Variants in UCKL1 observed in about 807,000 individuals in gnomAD.
UCKL1 encodes uridine-cytidine kinase-like 1.
Under a neutral mutation model 59.2 loss-of-function variants are expected in UCKL1, and 65 were observed. That is an observed-to-expected ratio of 1.10 (90% confidence interval 0.90 to 1.35). UCKL1 has a LOEUF of 1.35. Among genes scored for constraint, UCKL1 ranks in the 40% most tolerant of loss-of-function variants. The pLI is 0.00. For synonymous variants in UCKL1, 410 were observed against 323.1 expected (o/e 1.27, Z -2.88); for missense variants, 703 against 784.3 (o/e 0.90, Z 1.24).
Position 63,944,706 on chromosome 20 carries a change from G to A in UCKL1, c.683C>T (p.Thr228Ile). 6.2e-7 allele frequency: 1 copy of A among 1,612,846 alleles called. No homozygotes were observed. Among genetic ancestry groups the A allele is most frequent in the Non-Finnish European group, 8.5e-7 (1 of 1,179,948 alleles). The change falls in exon 6 of 15, where the codon ACA becomes ATA. Residue 228 changes from threonine to isoleucine, a missense_variant. Thr to Ile is a moderately conservative substitution (Grantham distance 89). Coordinates refer to ENST00000354216, the MANE Select transcript of UCKL1 (RefSeq NM_017859.4). ...CCGTACCAGGCGGATGTCGGAGTCT[G>A]TGTCCACAAAGATCTTCATGTCCAG... The part of the protein sequence containing the change: ...ELLDMKIFVD[T>I]DSDIRLVRRL...
At chr20:63,941,992 C>A (rs1482362668) in intron 8 of UCKL1, among the ~76,000 whole-genome samples, 1 of 138,646 alleles carries the variant, frequency 7.2e-6, no homozygotes, top group East Asian at 2.2e-4. Context: ...GGCGTGACAG[C>A]GGCAGGGAAA....
chr20:63,950,791 G>A (rs1009094711), intron 1 of UCKL1: 17 of 1,541,016 alleles, frequency 1.1e-5, no homozygotes, highest in Non-Finnish European at 1.5e-5. Flanking sequence ...GGCACCCTGA[G>A]ATCCTGATGC....
chr20:63,941,235 C>A (rs1224442793), intron 8 of UCKL1, 27 bp from the exon 9 acceptor site: 2 of 1,477,612 alleles, frequency 1.4e-6, no homozygotes, highest in Admixed American at 4.8e-5. Context: ...GGGGAACACT[C>A]AAGAAGGGGG....
intron 5 of UCKL1, 41 bp downstream of exon 5, chr20:63,945,610 C>T (rs776208679): frequency 6.2e-7 from 1 of 1,607,254 alleles, no homozygotes; most frequent in South Asian, 1.1e-5. Context: ...GCGGCCAGGG[C>T]TGAGATACCA....
chr20:63,950,957 G>T, intron 1 of UCKL1: 1 of 1,310,794 alleles, frequency 7.6e-7, no homozygotes, highest in Non-Finnish European at 9.7e-7. Context: ...GGGCAGCTCA[G>T]GAGCTCCGGC....
chr20:63,940,910 C>T (rs763708675), intron 10 of UCKL1, 40 bp downstream of exon 10: 2 of 1,521,528 alleles, frequency 1.3e-6, no homozygotes, highest in Admixed American at 4.2e-5. Flanking sequence ...GCACCGGCTC[C>T]AAGACCCACC....
At chr20:63,945,244 G>C (rs910085334) in intron 5 of UCKL1, among the ~76,000 whole-genome samples, 1 of 152,172 alleles carries the variant, frequency 6.6e-6, no homozygotes, top group Non-Finnish European at 1.5e-5. Context: ...GCCTGTACAA[G>C]GGGCAGGACC....
chr20:63,949,645 G>A (rs945591331), intron 1 of UCKL1, among the ~76,000 whole-genome samples: 8 of 152,228 alleles, frequency 5.3e-5, no homozygotes, highest in Non-Finnish European at 1.0e-4. Context: ...CGCTCTGGTG[G>A]CCCTGGAGGC....
rs2054473901 is a variant in UCKL1, at chr20:63,941,650, G to A, written c.924-442C>T. ...CCCCGCCCTGGCTCCTCCCCGAGGT[G>A]GTGCGCGGCCCCTCAAGAGAGGGGG... On this transcript the variant is annotated intron_variant, in intron 8 of 14. Coordinates refer to ENST00000354216, the MANE Select transcript of UCKL1 (RefSeq NM_017859.4). The A allele has an allele frequency of 3.2e-5, 7 of 220,340 alleles. No individual in the cohort carries two copies. In the South Asian group the frequency reaches 3.5e-4, roughly 11 times the overall value. The allele number at this position is 220,340 out of a possible 1,614,324, so 13.6% of individuals were successfully genotyped here.
At chr20:63,948,579 A>AGAGG (rs1569121185) in intron 1 of UCKL1, 2 of 5,006 alleles carry the variant, frequency 4.0e-4, no homozygotes, top group Admixed American at 2.3e-3. Flanking sequence ...GAGGGAGGGG[A>AGAGG]TGTGTGTGAG....
chr20:63,948,562 T>G (rs2056883538), intron 1 of UCKL1: 5 of 60,674 alleles, frequency 8.2e-5, no homozygotes, highest in African/African-American at 2.0e-4. Context: ...GAGGGAGGCG[T>G]GTGTGAGAGG....
intron 8 of UCKL1, chr20:63,942,652 G>T: frequency 3.9e-6 from 2 of 518,944 alleles, no homozygotes; most frequent in Non-Finnish European, 7.7e-6. Flanking sequence ...AGCCCTGCCT[G>T]ACCCTCCCTC....
intron 1 of UCKL1, chr20:63,948,259 T>C (rs1219440094): frequency 6.6e-6 from 1 of 152,146 alleles, no homozygotes; most frequent in African/African-American, 2.4e-5. Context: ...TCACTGTCTG[T>C]GCAGGGCAGA....
intron 2 of UCKL1, 34 bp from the exon 3 acceptor site, chr20:63,946,301 C>G: frequency 6.4e-7 from 1 of 1,560,208 alleles, no homozygotes. Flanking sequence ...CTGTGAGGAA[C>G]AGGCAGGCTG....
At chr20:63,951,070 T>C in intron 1 of UCKL1, 1 of 1,207,214 alleles carries the variant, frequency 8.3e-7, no homozygotes, top group Non-Finnish European at 1.0e-6. Flanking sequence ...AGAAGCTGCC[T>C]GCCAAATGTC....
chr20:63,943,695 A>G, intron 7 of UCKL1, 26 bp from the exon 8 acceptor site: 1 of 1,612,504 alleles, frequency 6.2e-7, no homozygotes, highest in East Asian at 2.2e-5. Context: ...AGGAAGACAC[A>G]AGGGAACGGT....
chr20:63,951,200 G>A, intron 1 of UCKL1: 3 of 1,010,874 alleles, frequency 3.0e-6, no homozygotes, highest in Non-Finnish European at 3.5e-6. Context: ...CTGGGGGCTT[G>A]TGTATGCCTG....
In UCKL1 at chr20:63,942,992, G is replaced by A. The variant is rs183155560; in HGVS notation, c.923+661C>T. Among the ~76,000 whole-genome samples the A allele has an allele frequency of 1.7e-3, 258 of 152,302 alleles. 2 individuals carry two copies. The highest frequency in any genetic ancestry group is 1.7e-3 in the Non-Finnish European group (115 of 68,018). ...CTGAATGTGAGGGCTCTCCCTCCAG[G>A]TGGCTCAGTCAGGAGCCTCCCAACC... On this transcript the variant is annotated intron_variant, in intron 8 of 14. Coordinates refer to ENST00000354216, the MANE Select transcript of UCKL1 (RefSeq NM_017859.4).
At chr20:63,949,087 C>T (rs766029070) in intron 1 of UCKL1, among the ~76,000 whole-genome samples, 16 of 152,196 alleles carry the variant, frequency 1.1e-4, no homozygotes, top group Non-Finnish European at 1.9e-4. Context: ...ACGGGGAAAA[C>T]GCGCTGTGCC....
Sources: gnomAD v4.1 joint callset for allele counts (sites outside exome capture counted in the v4.1 genomes callset) on GRCh38, gnomAD v4.1.1 for gene constraint, MANE v1.5 for transcripts, NCBI Gene and HGNC (gene_info 2026-07-23, HGNC 2026-07-21) for gene names.